Variants in NRG3 observed in about 807,000 individuals in gnomAD.
NRG3 encodes the protein neuregulin 3, also known as pro-neuregulin-3, membrane-bound isoform.
NRG3 carries 31 observed loss-of-function variants against 66.9 expected under a neutral mutation model. That is an observed-to-expected ratio of 0.46 (90% CI 0.35 to 0.63). NRG3 has a LOEUF of 0.63. Ranked by LOEUF, NRG3 falls within the 20% of genes least tolerant of loss-of-function variation. NRG3 has a pLI of 0.00. For synonymous variants in NRG3, 393 were observed against 359.4 expected (o/e 1.09, Z -1.06); for missense variants, 910 against 878.9 (o/e 1.04, Z -0.45).
intron 1 of NRG3, among the ~76,000 whole-genome samples, chr10:82,306,104 C>T (rs1381936904): frequency 6.6e-6 from 1 of 152,124 alleles, no homozygotes; most frequent in Non-Finnish European, 1.5e-5. Context: ...AGATGATTAC[C>T]TAATATTCCT....
intron 1 of NRG3, among the ~76,000 whole-genome samples, chr10:82,314,055 C>G (rs1343410807): frequency 1.3e-5 from 2 of 152,208 alleles, no homozygotes; most frequent in African/African-American, 4.8e-5. Context: ...TCATTTAGTT[C>G]ATGGGTAAAG....
At chr10:82,275,770 T>C (rs2078817733) in intron 1 of NRG3, among the ~76,000 whole-genome samples, 1 of 152,054 alleles carries the variant, frequency 6.6e-6, no homozygotes, top group African/African-American at 2.4e-5. Context: ...GGAGTAAGTT[T>C]GTTATATATG....
intron 3 of NRG3, among the ~76,000 whole-genome samples, chr10:82,812,559 A>C (rs563443238): frequency 4.6e-5 from 7 of 152,360 alleles, no homozygotes; most frequent in African/African-American, 1.7e-4. Context: ...AATAAAAATA[A>C]GATCTTTATT....
rs534659204 is a variant in NRG3, at chr10:82,820,964, CA to C, written c.1028-44446del. Among the ~76,000 whole-genome samples the C allele has an allele frequency of 2.2e-3, 341 of 152,266 alleles. No individual in the cohort carries two copies. In the Middle Eastern group the frequency reaches 0.037, roughly 17 times the overall value. ...TTCTTTGCAACTACACGATCAAAAA[CA>C]TTTTTTTTGGTGCACATTAAAAAGA... is the stretch of plus-strand genomic sequence containing the variant. On this transcript the variant is annotated intron_variant, in intron 3 of 8. Coordinates refer to ENST00000372141, the MANE Select transcript of NRG3 (RefSeq NM_001010848.4).
chr10:82,682,974 T>C (rs919845224), intron 2 of NRG3, among the ~76,000 whole-genome samples: 1 of 92,904 alleles, frequency 1.1e-5, no homozygotes, highest in Non-Finnish European at 2.1e-5. Context: ...TTTTTTTTTT[T>C]CTGAGACAGA....
intron 1 of NRG3, among the ~76,000 whole-genome samples, chr10:82,245,324 A>G (rs1245028737): frequency 6.6e-6 from 1 of 152,154 alleles, no homozygotes; most frequent in Non-Finnish European, 1.5e-5. Flanking sequence ...CTCAGGTGGT[A>G]ATGCAAGCAA....
chr10:82,504,502 C>T (rs759449751), intron 2 of NRG3, among the ~76,000 whole-genome samples: 5 of 152,048 alleles, frequency 3.3e-5, no homozygotes, highest in Non-Finnish European at 7.4e-5. Context: ...TCTTAATGTA[C>T]GGATGATCAA....
At chr10:82,232,546 C>T in intron 1 of NRG3, 1 of 539,408 alleles carries the variant, frequency 1.9e-6, no homozygotes, top group Non-Finnish European at 3.4e-6. Flanking sequence ...TGTCTTCTCT[C>T]AGGTACCTCA....
rs139023614 is a variant in NRG3, at chr10:82,747,900, A to G, written c.1027+9250A>G. Among the ~76,000 whole-genome samples, 126 of 151,976 alleles carry G rather than the reference A, an allele frequency of 8.3e-4. No homozygotes were observed. In the East Asian group the frequency reaches 0.02, roughly 24 times the overall value. On this transcript the variant is annotated intron_variant, in intron 3 of 8. Coordinates refer to ENST00000372141, the MANE Select transcript of NRG3 (RefSeq NM_001010848.4). ...CTAAGAATGAAATGAATTAACAGTA[A>G]TTAAGCTATTCAATTTTATTATATT...
At chr10:82,573,247 T>C (rs537390513) in intron 2 of NRG3, among the ~76,000 whole-genome samples, 1 of 151,926 alleles carries the variant, frequency 6.6e-6, no homozygotes, top group South Asian at 2.1e-4. Context: ...AAGTTGCTCT[T>C]TAAACCATTC....
chr10:82,033,230 C>G (rs1045689626), intron 1 of NRG3, among the ~76,000 whole-genome samples: 4 of 152,134 alleles, frequency 2.6e-5, no homozygotes, highest in African/African-American at 9.7e-5. Flanking sequence ...TGACAACTTA[C>G]AGATTTGTAA....
At chr10:82,290,876 A>T (rs2105095) in intron 1 of NRG3, among the ~76,000 whole-genome samples, 3 of 151,046 alleles carry the variant, frequency 2.0e-5, no homozygotes, top group Non-Finnish European at 4.4e-5. Flanking sequence ...ATCTCCTGAC[A>T]TCGTGATCTG....
chr10:82,557,900 T>C (rs1339752762), intron 2 of NRG3, among the ~76,000 whole-genome samples: 1 of 152,128 alleles, frequency 6.6e-6, no homozygotes, highest in Non-Finnish European at 1.5e-5. Flanking sequence ...CCCAGAAGGT[T>C]TGGCTCCAAA....
chr10:82,682,710 C>A (rs1035301738), intron 2 of NRG3, among the ~76,000 whole-genome samples: 1 of 152,098 alleles, frequency 6.6e-6, no homozygotes, highest in Admixed American at 6.6e-5. Flanking sequence ...AATTTATTCA[C>A]CAGTCCTTTG....
At chr10:82,972,156 A>G (rs1458055231) in intron 6 of NRG3, among the ~76,000 whole-genome samples, 1 of 152,084 alleles carries the variant, frequency 6.6e-6, no homozygotes, top group African/African-American at 2.4e-5. Flanking sequence ...TGTTGAATTA[A>G]TATTAGTTTA....
intron 1 of NRG3, among the ~76,000 whole-genome samples, chr10:82,237,264 A>G (rs2076799693): frequency 6.6e-6 from 1 of 152,086 alleles, no homozygotes; most frequent in African/African-American, 2.4e-5. Context: ...TGAACATTTT[A>G]TGCCTCCTCC....
rs1300125143 is a variant in NRG3 at position 82,453,132 on chromosome 10, A to G, written c.953+94264A>G. ...TAAATGAAGAGAACTTAACTACCTT[A>G]CAGATTATTATTATTATTATATGGG... On this transcript the variant is annotated intron_variant, in intron 2 of 8. Coordinates refer to ENST00000372141, the MANE Select transcript of NRG3 (RefSeq NM_001010848.4). Among the ~76,000 whole-genome samples the G allele has an allele frequency of 2.0e-5, 3 of 152,258 alleles. No individual in the cohort carries two copies. In the Middle Eastern group the frequency reaches 0.01, roughly 518 times the overall value.
chr10:82,804,925 A>G (rs987327714), intron 3 of NRG3, among the ~76,000 whole-genome samples: 9 of 152,204 alleles, frequency 5.9e-5, no homozygotes, highest in South Asian at 2.1e-4. Flanking sequence ...TTAGATACCA[A>G]TTAGCTTTCT....
intron 1 of NRG3, among the ~76,000 whole-genome samples, chr10:81,885,359 A>G (rs1589347929): frequency 6.6e-6 from 1 of 152,156 alleles, no homozygotes; most frequent in African/African-American, 2.4e-5. Flanking sequence ...CTACCAAATC[A>G]ATGATGGGAG....
Sources: gnomAD v4.1 joint callset for allele counts (sites outside exome capture counted in the v4.1 genomes callset) on GRCh38, gnomAD v4.1.1 for gene constraint, MANE v1.5 for transcripts, NCBI Gene and HGNC (gene_info 2026-07-23, HGNC 2026-07-21) for gene names.